CFAP92: variants seen among roughly 807,000 people sequenced by gnomAD.
CFAP92 encodes the protein uncharacterized protein CFAP92.
Under a neutral mutation model 106.3 loss-of-function variants are expected in CFAP92, and 86 were observed. The observed-to-expected ratio is 0.81, with a 90% CI of 0.68 to 0.97. CFAP92 has a LOEUF of 0.97. CFAP92 is among the 50% of genes least tolerant of loss of function. The probability of loss-of-function intolerance (pLI) is 0.00; values close to 1 mark genes in which losing one functional copy is unlikely to be tolerated. For synonymous variants in CFAP92, 477 were observed against 506.4 expected, an observed-to-expected ratio of 0.94 and a Z score of 0.78; for missense variants, 1,204 against 1,283.8, an observed-to-expected ratio of 0.94 and a Z score of 0.95.
chr3:128,959,978 T>C (rs1470692541), intron 9 of CFAP92, among the ~76,000 whole-genome samples: 1 of 152,148 alleles, frequency 6.6e-6, no homozygotes. Context: ...CCCTAACTGA[T>C]CAATGTACTT....
upstream of CFAP92, among the ~76,000 whole-genome samples, chr3:128,996,887 A>G (rs1217142403): frequency 3.3e-5 from 5 of 152,066 alleles, no homozygotes; most frequent in Non-Finnish European, 5.9e-5. Context: ...GCTTCCTTCT[A>G]TGTGGTGCCT....
intron 10 of CFAP92, among the ~76,000 whole-genome samples, chr3:128,940,879 GA>G (rs769430364): frequency 1.1e-4 from 17 of 148,046 alleles, no homozygotes; most frequent in East Asian, 3.9e-4. Flanking sequence ...GGACTTTGAT[GA>G]AAAAAAAAAG....
At chr3:128,963,431 T>G (rs1316601113) in intron 9 of CFAP92, among the ~76,000 whole-genome samples, 1 of 152,198 alleles carries the variant, frequency 6.6e-6, no homozygotes, top group Non-Finnish European at 1.5e-5. Context: ...TCCCAAAATC[T>G]ATTTTCTTCC....
intron 9 of CFAP92, among the ~76,000 whole-genome samples, chr3:128,954,883 C>T (rs1392022062): frequency 1.5e-4 from 2 of 13,074 alleles, no homozygotes; most frequent in Non-Finnish European, 2.3e-4. Flanking sequence ...GTCGGCCCCC[C>T]GCCCGGCCAG....
chr3:128,951,755 C>T (rs1329885668), intron 9 of CFAP92, among the ~76,000 whole-genome samples: 2 of 152,132 alleles, frequency 1.3e-5, no homozygotes, highest in Non-Finnish European at 2.9e-5. Context: ...CCCAGACACA[C>T]ACCATGGAAA....
At chr3:128,982,790 G>A (rs534151707) in intron 4 of CFAP92, among the ~76,000 whole-genome samples, 2 of 152,348 alleles carry the variant, frequency 1.3e-5, no homozygotes, top group South Asian at 4.1e-4. Context: ...AAGAGAGGGA[G>A]AGACAGGAGA....
At chr3:128,925,161 C>CA (rs769411192) in intron 12 of CFAP92, among the ~76,000 whole-genome samples, 43 of 152,330 alleles carry the variant, frequency 2.8e-4, no homozygotes, top group Non-Finnish European at 4.6e-4. Context: ...TCGTGGAAGA[C>CA]AGTTTTTCCA....
In CFAP92 at chr3:128,910,820, G is replaced by A. The variant is rs752972035; in HGVS notation, c.3281-487C>T. ...CTCTCTCAGCTGGACAAGTGTGAGT[G>A]GCATGTCTTGGGGGAGGGAAGGAAG... On this transcript the variant is annotated intron_variant, in intron 15 of 15. Coordinates refer to ENST00000645291, the MANE Select transcript of CFAP92 (RefSeq NM_001394090.1). The A allele has an allele frequency of 8.1e-6, 13 of 1,614,132 alleles. No homozygotes were observed. The highest frequency in any genetic ancestry group is 1.1e-5 in the Non-Finnish European group (13 of 1,180,000).
chr3:128,997,314 T>C (rs750341012), upstream of CFAP92, among the ~76,000 whole-genome samples: 4 of 152,220 alleles, frequency 2.6e-5, no homozygotes, highest in Non-Finnish European at 5.9e-5. Flanking sequence ...AACAGCTTTA[T>C]TGAAGTATTT....
At chr3:128,972,247 CT>C (rs58453936) in intron 7 of CFAP92, among the ~76,000 whole-genome samples, 110 of 145,220 alleles carry the variant, frequency 7.6e-4, no homozygotes, top group Admixed American at 6.2e-4. Context: ...GGATTTCTTT[CT>C]TTTTTTTTTT....
At chr3:128,945,008 T>C in intron 10 of CFAP92, 63 bp downstream of exon 10, 1 of 1,386,666 alleles carries the variant, frequency 7.2e-7, no homozygotes. Context: ...CTGAAAGACC[T>C]CTCCACTCCC....
At chr3:128,924,432 C>CTTT (rs71153151) in intron 12 of CFAP92, among the ~76,000 whole-genome samples, 798 of 69,808 alleles carry the variant, frequency 0.011, 129 homozygotes, top group African/African-American at 0.013. Context: ...ACGATTGTAT[C>CTTT]TTTTTTTTTT....
intron 2 of CFAP92, among the ~76,000 whole-genome samples, chr3:128,991,188 A>G (rs1205601316): frequency 6.6e-6 from 1 of 152,138 alleles, no homozygotes; most frequent in African/African-American, 2.4e-5. Context: ...TCAAGTGCCA[A>G]TTTTCTTTTG....
chr3:128,972,847 C>A (rs1429259105), intron 7 of CFAP92, among the ~76,000 whole-genome samples: 2 of 149,342 alleles, frequency 1.3e-5, no homozygotes, highest in Non-Finnish European at 3.0e-5. Context: ...AAGAGCGAAA[C>A]TCAGTCCTTG....
chr3:128,943,119 C>A (rs958736281), intron 10 of CFAP92, among the ~76,000 whole-genome samples: 1 of 152,018 alleles, frequency 6.6e-6, no homozygotes, highest in Non-Finnish European at 1.5e-5. Context: ...TGGGGTTTCA[C>A]TTGTTGGTCA....
chr3:128,949,882 T>C (rs1940611270), intron 9 of CFAP92, among the ~76,000 whole-genome samples: 1 of 151,970 alleles, frequency 6.6e-6, no homozygotes. Context: ...AGACAGGGTT[T>C]CCCCCATGTT....
rs1317009253 is a variant in CFAP92 at position 128,935,143 on chromosome 3, A to AC, written c.2434dup (p.Val812GlyfsTer14). 18 of 1,529,968 alleles carry AC rather than the reference A, an allele frequency of 1.2e-5. No individual in the cohort carries two copies. Among genetic ancestry groups the AC allele is most frequent in the Non-Finnish European group, 1.6e-5 (18 of 1,143,130 alleles). The allele number at this position is 1,529,968 out of a possible 1,614,324, so 94.8% of individuals were successfully genotyped here. On this transcript the variant is annotated frameshift_variant, in exon 11 of 16. Transcript: ENST00000645291. LOFTEE classifies it high-confidence loss of function. Reference sequence around the variant, plus strand: ...TGCCCACCTGGCTAGAGCCTGGAAGACCCGCCTCCGCTCAGTGTCTCGCAG... The same window carrying AC: ...TGCCCACCTGGCTAGAGCCTGGAAGACCCCGCCTCCGCTCAGTGTCTCGCAG...
intron 7 of CFAP92, among the ~76,000 whole-genome samples, chr3:128,975,427 GGA>G (rs1943083017): frequency 1.0e-4 from 2 of 19,934 alleles, no homozygotes; most frequent in Admixed American, 4.4e-4. Flanking sequence ...GGATGGATAG[GGA>G]TGGATGGATG....
chr3:128,958,737 C>T (rs986985816), intron 9 of CFAP92, among the ~76,000 whole-genome samples: 2 of 151,894 alleles, frequency 1.3e-5, no homozygotes, highest in African/African-American at 4.8e-5. Context: ...CCTGTCTCTA[C>T]AAAAAATACA....
Sources: allele counts gnomAD v4.1 joint callset (sites outside exome capture counted in the v4.1 genomes callset), GRCh38; gene constraint gnomAD v4.1.1; transcripts MANE v1.5; gene names NCBI Gene and HGNC (gene_info 2026-07-23, HGNC 2026-07-21).